The following YWHAB variants were observed in gnomAD, a reference collection of about 807,000 sequenced individuals.
YWHAB encodes tyrosine 3-monooxygenase/tryptophan 5-monooxygenase activation protein beta.
In YWHAB, 2 loss-of-function variants were observed where a neutral mutation model predicts 28.5. That is an observed-to-expected ratio of 0.07 (90% confidence interval 0.03 to 0.22). The LOEUF (loss-of-function observed/expected upper bound fraction) is 0.22, where lower values mean the gene tolerates loss of function less well. Ranked by LOEUF, YWHAB falls within the 10% of genes least tolerant of loss-of-function variation. The pLI is 1.00. For synonymous variants in YWHAB, 103 were observed against 104.7 expected, an observed-to-expected ratio of 0.98 and a Z score of 0.10; for missense variants, 148 against 297.1, an observed-to-expected ratio of 0.50 and a Z score of 3.69.
intron 3 of YWHAB, among the ~76,000 whole-genome samples, chr20:44,904,443 A>G (rs1432069357): frequency 6.6e-6 from 1 of 151,554 alleles, no homozygotes; most frequent in African/African-American, 2.4e-5. Context: ...TGCATTTATC[A>G]CATGTATTAC....
chr20:44,892,013 C>G (rs1450806506), intron 1 of YWHAB, among the ~76,000 whole-genome samples: 1 of 152,234 alleles, frequency 6.6e-6, no homozygotes, highest in East Asian at 1.9e-4. Context: ...GTAACACCCA[C>G]TAACCACCTG....
intron 1 of YWHAB, among the ~76,000 whole-genome samples, chr20:44,890,358 A>T (rs1216065705): frequency 6.6e-6 from 1 of 152,192 alleles, no homozygotes; most frequent in African/African-American, 2.4e-5. Context: ...TATAGGTCAG[A>T]TGTGTGCTAC....
intron 1 of YWHAB, among the ~76,000 whole-genome samples, chr20:44,893,694 C>CTTTTTTTTT (rs3091859): frequency 1.9e-5 from 2 of 103,786 alleles, no homozygotes; most frequent in African/African-American, 4.1e-5. Context: ...CCTCCCCTGC[C>CTTTTTTTTT]TTTTTTTTTT....
rs1601100910 is a variant in YWHAB, at chr20:44,907,570, A to G, written c.*1132A>G. ...GGGGCTTTTAAATTTTGAAATCTAAACATTCTTTCCCACCATCCTTTTTGA... is the reference window on the plus strand; with the variant it reads ...GGGGCTTTTAAATTTTGAAATCTAAGCATTCTTTCCCACCATCCTTTTTGA... On this transcript the variant is annotated 3_prime_UTR_variant, in exon 6 of 6. Coordinates refer to ENST00000353703, the MANE Select transcript of YWHAB (RefSeq NM_139323.4). The G allele has an allele frequency of 6.6e-6, 1 of 152,194 alleles. No individual in the cohort carries two copies. The highest frequency in any genetic ancestry group is 1.5e-5 in the Non-Finnish European group (1 of 68,046). 9.4% of individuals were successfully genotyped at this position (152,194 alleles called of 1,614,324 possible).
chr20:44,904,356 T>G (rs2145540004), intron 3 of YWHAB, among the ~76,000 whole-genome samples: 1 of 152,354 alleles, frequency 6.6e-6, no homozygotes, highest in African/African-American at 2.4e-5. Flanking sequence ...GATCTTATCT[T>G]GAGTATTATT....
rs533035117 is a variant in YWHAB at position 44,897,878 on chromosome 20, C to T, written c.-3-3653C>T. On this transcript the variant is annotated intron_variant, in intron 1 of 5. Coordinates refer to ENST00000353703, the MANE Select transcript of YWHAB (RefSeq NM_139323.4). ...AAAAGTTTCTTTTGTTTTCACCCTG[C>T]GTGTCCAATGCAGGTCTGCAGGAGT... Among the ~76,000 whole-genome samples the T allele has an allele frequency of 7.3e-4, 111 of 152,334 alleles. 2 individuals carry two copies. In the South Asian group the frequency reaches 7.9e-3, roughly 11 times the overall value.
intron 1 of YWHAB, among the ~76,000 whole-genome samples, chr20:44,898,246 A>T (rs745767488): frequency 6.6e-6 from 1 of 152,200 alleles, no homozygotes; most frequent in Non-Finnish European, 1.5e-5. Context: ...TGCCTCACTG[A>T]GTGTAAGCTT....
Position 44,894,249 on chromosome 20 carries a change from G to A in YWHAB, c.-3-7282G>A, listed in dbSNP as rs150792364. On this transcript the variant is annotated intron_variant, in intron 1 of 5. Transcript: ENST00000353703. Reference sequence around the variant, plus strand: ...ATCTCTTGGCTTACTGCAGGGTTGGGCCTTTTGTGGCCTCTAATGAGTTTG... The same window carrying A: ...ATCTCTTGGCTTACTGCAGGGTTGGACCTTTTGTGGCCTCTAATGAGTTTG... Among the ~76,000 whole-genome samples, 3 of 152,292 alleles carry A rather than the reference G, an allele frequency of 2.0e-5. No individual in the cohort carries two copies. In the East Asian group the frequency reaches 5.8e-4, roughly 29 times the overall value.
chr20:44,886,762 A>T (rs534063802), intron 1 of YWHAB: 1 of 151,904 alleles, frequency 6.6e-6, no homozygotes, highest in Non-Finnish European at 1.5e-5. Context: ...CAAATGGAGA[A>T]CTCCCATATA....
chr20:44,904,936 G>A (rs2066647900), intron 3 of YWHAB, 32 bp from the exon 4 acceptor site: 29 of 1,556,432 alleles, frequency 1.9e-5, no homozygotes, highest in Non-Finnish European at 2.0e-5. Context: ...TGAAAGAACC[G>A]AGCCTTTAAT....
Position 44,906,671 on chromosome 20 carries a change from T to C in YWHAB, c.*233T>C. ...TCCGAAGTTTTGATTTTGATTAACA[T>C]TGACAGGATTACTGTGTGTTTAATT... On this transcript the variant is annotated 3_prime_UTR_variant, in exon 6 of 6. Coordinates refer to ENST00000353703, the MANE Select transcript of YWHAB (RefSeq NM_139323.4). 1 of 347,078 alleles carries C rather than the reference T, an allele frequency of 2.9e-6. No individual in the cohort carries two copies. The highest frequency in any genetic ancestry group is 4.3e-5 in the East Asian group (1 of 23,034). 21.5% of individuals were successfully genotyped at this position (347,078 alleles called of 1,614,324 possible).
At chr20:44,895,467 G>A (rs2066590315) in intron 1 of YWHAB, among the ~76,000 whole-genome samples, 2 of 152,102 alleles carry the variant, frequency 1.3e-5, no homozygotes, top group African/African-American at 2.4e-5. Flanking sequence ...GGTAATTTAG[G>A]AAGAGTAATT....
chr20:44,890,462 C>T (rs1044031543), intron 1 of YWHAB, among the ~76,000 whole-genome samples: 2 of 151,526 alleles, frequency 1.3e-5, no homozygotes, highest in Non-Finnish European at 2.9e-5. Flanking sequence ...GCCTTGTACT[C>T]CACATTGGGT....
At position 44,907,737 on chromosome 20, in the gene YWHAB, T is replaced by G. The variant is rs2066666970; in HGVS notation, c.*1299T>G. 6.6e-6 allele frequency: 1 copy of G among 152,240 alleles called. No individual in the cohort carries two copies. Among genetic ancestry groups the G allele is most frequent in the Admixed American group, 6.5e-5 (1 of 15,284 alleles). 9.4% of individuals were successfully genotyped at this position (152,240 alleles called of 1,614,324 possible). On this transcript the variant is annotated 3_prime_UTR_variant, in exon 6 of 6. Coordinates refer to ENST00000353703, the MANE Select transcript of YWHAB (RefSeq NM_139323.4). ...GGGGTGAGAGACATTACTGAGCACC[T>G]TGGTGAGCAAGCCTGGCTTTAAAGA...
chr20:44,901,782 G>A lies in YWHAB; in HGVS notation c.249G>A (p.Glu83=), dbSNP rs200300854. ...RNEKKQQMGK[E]YREKIEAELQ... ...AGAAGAAGCAGCAGATGGGCAAAGAGTACCGTGAGAAGATAGAGGCAGAAC... is the reference window on the plus strand; with the variant it reads ...AGAAGAAGCAGCAGATGGGCAAAGAATACCGTGAGAAGATAGAGGCAGAAC... The change falls in exon 2 of 6, where the codon GAG becomes GAA. Residue 83 remains glutamate, a synonymous_variant. Coordinates refer to ENST00000353703, the MANE Select transcript of YWHAB (RefSeq NM_139323.4). 1.2e-6 allele frequency: 2 copies of A among 1,612,148 alleles called. No individual in the cohort carries two copies. Among genetic ancestry groups the A allele is most frequent in the South Asian group, 1.1e-5 (1 of 91,070 alleles).
intron 1 of YWHAB, among the ~76,000 whole-genome samples, chr20:44,894,520 A>G (rs186788268): frequency 2.5e-3 from 383 of 152,296 alleles, no homozygotes; most frequent in Admixed American, 5.5e-3. Flanking sequence ...GTCCATTTTA[A>G]CATAACATAC....
chr20:44,897,050 T>A (rs1471606108), intron 1 of YWHAB, among the ~76,000 whole-genome samples: 1 of 152,208 alleles, frequency 6.6e-6, no homozygotes, highest in Non-Finnish European at 1.5e-5. Context: ...CGGAGAAGCT[T>A]AAAATAGCTG....
At position 44,906,539 on chromosome 20, in the gene YWHAB, GTCGACTT is replaced by G; in HGVS notation, c.*106_*112del. ...AAAAAAAAAAAAAAGAGAATCGTAC[GTCGACTT>G]TCGATTTTTCACAGCCTCAGCCTAG... On this transcript the variant is annotated 3_prime_UTR_variant, in exon 6 of 6. Transcript: ENST00000353703. 9.2e-7 allele frequency: 1 copy of G among 1,090,320 alleles called. No homozygotes were observed. The highest frequency in any genetic ancestry group is 2.0e-5 in the South Asian group (1 of 49,516). 67.5% of individuals were successfully genotyped at this position (1,090,320 alleles called of 1,614,324 possible).
intron 5 of YWHAB, 71 bp from the exon 6 acceptor site, chr20:44,906,311 A>T: frequency 6.7e-7 from 1 of 1,482,442 alleles, no homozygotes. Flanking sequence ...AGATAAGATT[A>T]TACATACTGG....
Sources: allele counts gnomAD v4.1 joint callset (sites outside exome capture counted in the v4.1 genomes callset), GRCh38; gene constraint gnomAD v4.1.1; transcripts MANE v1.5; gene names NCBI Gene and HGNC (gene_info 2026-07-23, HGNC 2026-07-21).